AGT: variants seen among roughly 807,000 people sequenced by gnomAD.
AGT encodes the protein angiotensinogen.
AGT carries 26 observed loss-of-function variants against 28.1 expected under a neutral mutation model. The observed-to-expected ratio is 0.92, with a 90% confidence interval of 0.68 to 1.28. The LOEUF (loss-of-function observed/expected upper bound fraction) is 1.28. AGT is among the 50% of genes most tolerant of loss of function. AGT has a pLI of 0.00. For synonymous variants in AGT, 259 were observed against 259.6 expected (o/e 1.00, Z 0.02); for missense variants, 596 against 592.3 (o/e 1.01, Z -0.06).
chr1:230,729,748 G>A (rs1664016135), intron 1 of AGT, among the ~76,000 whole-genome samples: 1 of 151,600 alleles, frequency 6.6e-6, no homozygotes, highest in Admixed American at 6.6e-5. Flanking sequence ...AGAATGAGCT[G>A]TGTGTGACAA....
intron 1 of AGT, among the ~76,000 whole-genome samples, chr1:230,740,455 G>T (rs1449318344): frequency 6.6e-6 from 1 of 152,134 alleles, no homozygotes; most frequent in Non-Finnish European, 1.5e-5. Flanking sequence ...AGACATTCTG[G>T]CTCAAACACC....
intron 1 of AGT, among the ~76,000 whole-genome samples, chr1:230,742,781 CT>C (rs896299548): frequency 2.0e-5 from 3 of 152,138 alleles, no homozygotes; most frequent in African/African-American, 7.2e-5. Context: ...GCTTTCCAAC[CT>C]TTTTTAATGT....
rs186671238 is a variant in AGT, at chr1:230,706,040, G to A, written c.990C>T (p.Ser330=). 49 of 1,614,144 alleles carry A rather than the reference G, an allele frequency of 3.0e-5. No individual in the cohort carries two copies. The highest frequency in any genetic ancestry group is 2.2e-4 in the Admixed American group (13 of 60,028). The change falls in exon 3 of 5, where the codon AGC becomes AGT. Residue 330 remains serine (S), a synonymous_variant. Coordinates refer to ENST00000366667, the MANE Select transcript of AGT (RefSeq NM_001384479.1). ...GAGGCTGGATCAGCAGCAGGCAGGC[G>A]CTCTCAGTGAAGGGCACTTGAGTCA... ...FSVTQVPFTE[S]ACLLLIQPHY... is the part of the protein sequence containing the mutation.
At chr1:230,738,505 G>A (rs891635134) in intron 1 of AGT, among the ~76,000 whole-genome samples, 9 of 152,298 alleles carry the variant, frequency 5.9e-5, no homozygotes, top group African/African-American at 2.2e-4. Context: ...AGAGACCCAA[G>A]CTAATAAATC....
chr1:230,737,484 G>A (rs1664177492), intron 1 of AGT, among the ~76,000 whole-genome samples: 1 of 151,960 alleles, frequency 6.6e-6, no homozygotes, highest in South Asian at 2.1e-4. Context: ...GCTAATTTTT[G>A]TATTTTTAGT....
intron 1 of AGT, among the ~76,000 whole-genome samples, chr1:230,721,061 C>A (rs185220772): frequency 2.6e-5 from 4 of 152,352 alleles, no homozygotes; most frequent in Non-Finnish European, 4.4e-5. Context: ...GCATCACCAG[C>A]AAGAGGTCCC....
chr1:230,703,808 G>T (rs1663299292), intron 4 of AGT, among the ~76,000 whole-genome samples: 1 of 152,344 alleles, frequency 6.6e-6, no homozygotes, highest in Admixed American at 6.5e-5. Flanking sequence ...CATGGCAGGG[G>T]GACATTCTGT....
intron 1 of AGT, among the ~76,000 whole-genome samples, chr1:230,712,297 C>T (rs1008798808): frequency 6.6e-6 from 1 of 152,136 alleles, no homozygotes; most frequent in Non-Finnish European, 1.5e-5. Context: ...CACCCAGACC[C>T]GTAACCAGCA....
Position 230,702,900 on chromosome 1 carries a change from A to T in AGT, c.*241T>A. On this transcript the variant is annotated 3_prime_UTR_variant, in exon 5 of 5. Transcript: ENST00000366667. ...TCCCCACCCCCATTCTCTAAAATAAACCCAGCAAACTGGGAGGTGCATTTG... is the reference window on the plus strand; with the variant it reads ...TCCCCACCCCCATTCTCTAAAATAATCCCAGCAAACTGGGAGGTGCATTTG... 1 of 557,960 alleles carries T rather than the reference A, an allele frequency of 1.8e-6. No homozygotes were observed. The allele number at this position is 557,960 out of a possible 1,614,324, so 34.6% of individuals were successfully genotyped here.
upstream of AGT, among the ~76,000 whole-genome samples, chr1:230,719,285 T>C (rs1005566062): frequency 3.9e-5 from 6 of 152,180 alleles, no homozygotes; most frequent in Non-Finnish European, 8.8e-5. Flanking sequence ...TATGGACTGC[T>C]GTTGATTCAG....
At position 230,720,038 on chromosome 1, in the gene AGT, T is replaced by C. The variant is rs894195482; in HGVS notation, c.-30-9185A>G. ...TAGAAAAGGTTTAGGGGGTGGATAT[T>C]GGGATTGTAGGTGATTAGTGAAAGG... On this transcript the variant is annotated intron_variant, in intron 1 of 4. Transcript: ENST00000681269. Among the ~76,000 whole-genome samples, 18 of 152,226 alleles carry C rather than the reference T, an allele frequency of 1.2e-4. 1 individual carries two copies. The highest frequency in any genetic ancestry group is 4.1e-4 in the African/African-American group (17 of 41,540).
At chr1:230,712,619 G>A (rs745315096) in intron 1 of AGT, among the ~76,000 whole-genome samples, 62 of 152,212 alleles carry the variant, frequency 4.1e-4, no homozygotes, top group African/African-American at 1.2e-4. Context: ...CCTGACAAGC[G>A]CCAACTGTTC....
In AGT at chr1:230,726,263, T is replaced by C. The variant is rs534773176; in HGVS notation, c.-30-15410A>G. Among the ~76,000 whole-genome samples, 5 of 152,304 alleles carry C rather than the reference T, an allele frequency of 3.3e-5. No individual in the cohort carries two copies. In the South Asian group the frequency reaches 8.3e-4, roughly 25 times the overall value. On this transcript the variant is annotated intron_variant, in intron 1 of 4. Coordinates refer to the AGT transcript ENST00000681269. ...CTTATTCTCCCTAAGACATAGACAGTGTTATTTTCCCCCATTTTATTGATG... is the reference window on the plus strand; with the variant it reads ...CTTATTCTCCCTAAGACATAGACAGCGTTATTTTCCCCCATTTTATTGATG...
rs772453722 is a variant in AGT at position 230,710,504 on chromosome 1, C to A, written c.320G>T (p.Arg107Leu). The A allele has an allele frequency of 6.2e-7, 1 of 1,614,224 alleles. No individual in the cohort carries two copies. Among genetic ancestry groups the A allele is most frequent in the Non-Finnish European group, 8.5e-7 (1 of 1,180,044 alleles). Residue 107 changes from arginine to leucine, a missense_variant, in exon 2 of 5, where the codon CGT becomes CTT. Arg to Leu is a moderately radical substitution (Grantham distance 102, BLOSUM62 -2). Coordinates refer to ENST00000366667, the MANE Select transcript of AGT (RefSeq NM_001384479.1). ...VGMLANFLGF[R>L]IYGMHSELWG... is the part of the protein sequence containing the mutation. ...TAGCTCACTGTGCATGCCATATATA[C>A]GGAAGCCCAAGAAGTTGGCCAGCAT... is the stretch of plus-strand genomic sequence containing the variant.
At chr1:230,741,378 G>A (rs192437819) in intron 1 of AGT, among the ~76,000 whole-genome samples, 38 of 152,344 alleles carry the variant, frequency 2.5e-4, no homozygotes, top group Admixed American at 4.6e-4. Context: ...CCACCAGGTC[G>A]TCCACGAGCC....
At chr1:230,704,426 A>T in intron 3 of AGT, 89 bp from the exon 4 acceptor site, 1 of 1,506,420 alleles carries the variant, frequency 6.6e-7, no homozygotes, top group Non-Finnish European at 9.1e-7. Context: ...CCTTGCACCC[A>T]ACCCTGACGA....
upstream of AGT, among the ~76,000 whole-genome samples, chr1:230,715,083 C>T (rs61756115): frequency 8.3e-4 from 127 of 152,152 alleles, no homozygotes; most frequent in African/African-American, 2.8e-3. Flanking sequence ...CACGGCATAT[C>T]CACGATGGCA....
chr1:230,718,722 C>CTTTTTTTTTTTTTTTTTTTTTTTT (rs1228887131), upstream of AGT, among the ~76,000 whole-genome samples: 1 of 118,452 alleles, frequency 8.4e-6, no homozygotes, highest in African/African-American at 3.4e-5. Flanking sequence ...TTCCACACCG[C>CTTTTTTTTTTTTTTTTTTTTTTTT]TTTTTTTTTT....
chr1:230,710,118 C>T lies in AGT; in HGVS notation c.706G>A (p.Asp236Asn). 1 of 1,614,218 alleles carries T rather than the reference C, an allele frequency of 6.2e-7. No homozygotes were observed. The highest frequency in any genetic ancestry group is 1.1e-5 in the South Asian group (1 of 91,090). ...LPRSLDFTEL[D>N]VAAEKIDRFM... Reference sequence around the variant, plus strand: ...CTGTCAATCTTCTCAGCAGCAACATCCAGTTCTGTGAAGTCCAGAGAGCGT... The same window carrying T: ...CTGTCAATCTTCTCAGCAGCAACATTCAGTTCTGTGAAGTCCAGAGAGCGT... Residue 236 changes from aspartate to asparagine, a missense_variant, in exon 2 of 5, where the codon GAT becomes AAT. Asp to Asn is a conservative substitution (Grantham distance 23). Coordinates refer to ENST00000366667, the MANE Select transcript of AGT (RefSeq NM_001384479.1).
Sources: gnomAD v4.1 joint callset for allele counts (sites outside exome capture counted in the v4.1 genomes callset) on GRCh38, gnomAD v4.1.1 for gene constraint, MANE v1.5 for transcripts, NCBI Gene and HGNC (gene_info 2026-07-23, HGNC 2026-07-21) for gene names.